The following ANO10 variants were observed in gnomAD, a reference collection of about 807,000 sequenced individuals.
ANO10 encodes anoctamin-10.
ANO10 carries 77 observed loss-of-function variants against 74.7 expected under a neutral mutation model. The ratio of observed to expected loss-of-function variants is 1.03; its 90% CI spans 0.86 to 1.25. ANO10 has a LOEUF of 1.25. Among genes scored for constraint, ANO10 ranks in the 50% most tolerant of loss-of-function variants. The probability of loss-of-function intolerance (pLI) is 0.00; values close to 1 mark genes in which losing one functional copy is unlikely to be tolerated. For missense variants in ANO10, 721 were observed against 778.1 expected, an observed-to-expected ratio of 0.93 and a Z score of 0.87; for synonymous variants, 279 against 284.9, an observed-to-expected ratio of 0.98 and a Z score of 0.21.
chr3:43,653,927 G>GTTTT (rs5848668), intron 1 of ANO10, among the ~76,000 whole-genome samples: 2 of 145,114 alleles, frequency 1.4e-5, no homozygotes, highest in Non-Finnish European at 1.5e-5. Flanking sequence ...GTTTGCTGGG[G>GTTTT]TTTTTTTTTT....
intron 7 of ANO10, among the ~76,000 whole-genome samples, chr3:43,570,108 T>C (rs1413932657): frequency 1.4e-5 from 2 of 144,980 alleles, no homozygotes; most frequent in African/African-American, 5.1e-5. Flanking sequence ...ATAAAATACC[T>C]AGGAATCCAA....
intron 1 of ANO10, among the ~76,000 whole-genome samples, chr3:43,679,669 G>A (rs1190827502): frequency 6.6e-6 from 1 of 152,220 alleles, no homozygotes; most frequent in East Asian, 1.9e-4. Context: ...CCCTCGAGTA[G>A]CCTAACTGGG....
At chr3:43,388,052 G>C (rs1366487920) in intron 12 of ANO10, among the ~76,000 whole-genome samples, 1 of 152,162 alleles carries the variant, frequency 6.6e-6, no homozygotes, top group Non-Finnish European at 1.5e-5. Context: ...GGCTTTATCT[G>C]TGAAAAGTAA....
At chr3:43,686,116 T>A (rs1329837237) in intron 1 of ANO10, among the ~76,000 whole-genome samples, 1 of 152,108 alleles carries the variant, frequency 6.6e-6, no homozygotes, top group African/African-American at 2.4e-5. Flanking sequence ...CATGCTCCTC[T>A]TCCTCATTCC....
chr3:43,382,953 G>A (rs964725928), intron 12 of ANO10, among the ~76,000 whole-genome samples: 2 of 152,114 alleles, frequency 1.3e-5, no homozygotes, highest in Non-Finnish European at 2.9e-5. Context: ...GACATTCAAA[G>A]AACTGGTAAC....
chr3:43,517,983 A>G (rs1393432536), intron 11 of ANO10, among the ~76,000 whole-genome samples: 1 of 152,198 alleles, frequency 6.6e-6, no homozygotes, highest in Non-Finnish European at 1.5e-5. Flanking sequence ...ACCAGTTTAC[A>G]GTCTTTCTGT....
intron 9 of ANO10, among the ~76,000 whole-genome samples, chr3:43,557,343 C>T (rs532723566): frequency 3.9e-5 from 6 of 152,236 alleles, no homozygotes; most frequent in African/African-American, 1.4e-4. Context: ...AAAGCCAATT[C>T]CTTGAAAAAC....
At chr3:43,690,792 G>A (rs1459119487) in intron 1 of ANO10, 2 of 463,318 alleles carry the variant, frequency 4.3e-6, no homozygotes, top group South Asian at 4.5e-5. Flanking sequence ...ACTAGTGCAT[G>A]CTGGCTGGGG....
At chr3:43,455,082 T>C (rs1359777707) in intron 11 of ANO10, among the ~76,000 whole-genome samples, 2 of 151,980 alleles carry the variant, frequency 1.3e-5, no homozygotes. Context: ...AAAAGTCAAA[T>C]ACATGGGCAC....
At chr3:43,496,157 T>C (rs115487428) in intron 11 of ANO10, among the ~76,000 whole-genome samples, 15 of 152,276 alleles carry the variant, frequency 9.9e-5, no homozygotes, top group South Asian at 2.1e-4. Flanking sequence ...CAGGAATATA[T>C]ACTCTATTGA....
At chr3:43,469,137 G>T (rs1559578917) in intron 11 of ANO10, among the ~76,000 whole-genome samples, 1 of 139,114 alleles carries the variant, frequency 7.2e-6, no homozygotes, top group Non-Finnish European at 1.5e-5. Context: ...CCACCTCCCA[G>T]GTTCAAGCGA....
chr3:43,614,442 A>T (rs181429223), intron 1 of ANO10, among the ~76,000 whole-genome samples: 1 of 152,160 alleles, frequency 6.6e-6, no homozygotes, highest in Non-Finnish European at 1.5e-5. Context: ...AACAGAAAAT[A>T]AAAAAACATA....
intron 12 of ANO10, among the ~76,000 whole-genome samples, chr3:43,370,328 C>T (rs2091563180): frequency 6.6e-6 from 1 of 152,232 alleles, no homozygotes; most frequent in Non-Finnish European, 1.5e-5. Context: ...GAATTTTTAA[C>T]GAGCCTTCGA....
At chr3:43,416,543 A>T (rs1181568187) in intron 12 of ANO10, among the ~76,000 whole-genome samples, 1 of 152,224 alleles carries the variant, frequency 6.6e-6, no homozygotes, top group Non-Finnish European at 1.5e-5. Context: ...AAAGGAGGAG[A>T]AGATGTATTT....
intron 12 of ANO10, among the ~76,000 whole-genome samples, chr3:43,370,699 G>A (rs577319522): frequency 6.6e-6 from 1 of 152,308 alleles, no homozygotes; most frequent in East Asian, 1.9e-4. Flanking sequence ...GAGACAGAAT[G>A]GAATTTTCCC....
chr3:43,525,424 T>A (rs562709476), intron 11 of ANO10, among the ~76,000 whole-genome samples: 1 of 152,312 alleles, frequency 6.6e-6, no homozygotes, highest in South Asian at 2.1e-4. Flanking sequence ...TCTATCTGCA[T>A]GACTATCTGG....
chr3:43,511,455 C>T (rs1005100848), intron 11 of ANO10, among the ~76,000 whole-genome samples: 2 of 152,196 alleles, frequency 1.3e-5, no homozygotes, highest in African/African-American at 2.4e-5. Context: ...TAACGTCTAA[C>T]ATCCCATCCC....
chr3:43,497,950 C>T (rs6778797), intron 11 of ANO10, among the ~76,000 whole-genome samples: 1 of 152,128 alleles, frequency 6.6e-6, no homozygotes, highest in African/African-American at 2.4e-5. Flanking sequence ...ATGCATGTAT[C>T]TTAATGGTGA....
Position 43,561,334 on chromosome 3 carries a change from C to G in ANO10, c.1362G>C (p.Trp454Cys). ...NQIMESFLPYWLQRKHGVRVK... is the reference protein window; with the variant it reads ...NQIMESFLPYCLQRKHGVRVK... ...CCCGCACACCATGCTTCCTTTGGAG[C>G]CAATAAGGAAGAAAAGATTCCATAA... The change falls in exon 9 of 13, where the codon TGG (tryptophan) becomes TGC (cysteine). Residue 454 changes from tryptophan (W) to cysteine (C), a missense_variant. Transcript: ENST00000292246. The G allele has an allele frequency of 6.2e-7, 1 of 1,614,090 alleles. No homozygotes were observed. The highest frequency in any genetic ancestry group is 1.3e-5 in the African/African-American group (1 of 75,018).
Sources: gnomAD v4.1 joint callset for allele counts (sites outside exome capture counted in the v4.1 genomes callset) on GRCh38, gnomAD v4.1.1 for gene constraint, MANE v1.5 for transcripts, NCBI Gene and HGNC (gene_info 2026-07-23, HGNC 2026-07-21) for gene names.